Variants in FAM72B observed in about 807,000 individuals in gnomAD.
The protein encoded by FAM72B is RUMY family member 2, also known as protein FAM72B.
A neutral mutation model predicts 12.6 loss-of-function variants in FAM72B; 4 were observed. That is an observed-to-expected ratio of 0.32 (90% CI 0.16 to 0.73). The LOEUF (loss-of-function observed/expected upper bound fraction) is 0.73. Ranked by LOEUF, FAM72B falls within the 30% of genes least tolerant of loss-of-function variation. FAM72B has a pLI of 0.67. For synonymous variants in FAM72B, 13 were observed against 53.9 expected, an observed-to-expected ratio of 0.24 and a Z score of 3.32; for missense variants, 61 against 158.4, an observed-to-expected ratio of 0.39 and a Z score of 3.30.
chr1:121,179,645 C>T (rs199855341), intron 2 of FAM72B, among the ~76,000 whole-genome samples: 5 of 151,696 alleles, frequency 3.3e-5, no homozygotes, highest in East Asian at 3.9e-4. Context: ...CTGGGCAACA[C>T]GGTGAAACCC....
In FAM72B at chr1:121,183,621, G is replaced by C. The variant is rs1654388402; in HGVS notation, c.-132C>G. On this transcript the variant is annotated 5_prime_UTR_variant, in exon 1 of 4. Transcript: ENST00000369390. ...CTTTTCTAAGTCCTAATATTGGGAA[G>C]GAAATTAGTTTTTTTTTTCTGTTTT... 2 of 1,568,660 alleles carry C rather than the reference G, an allele frequency of 1.3e-6. No individual in the cohort carries two copies. Among genetic ancestry groups the C allele is most frequent in the African/African-American group, 2.8e-5 (2 of 72,332 alleles).
rs587690063 is a variant in FAM72B, at chr1:121,168,723, T to C, written c.*18A>G. 3 of 1,509,600 alleles carry C rather than the reference T, an allele frequency of 2.0e-6. No homozygotes were observed. The highest frequency in any genetic ancestry group is 2.5e-4 in the Middle Eastern group (1 of 4,060). The allele number at this position is 1,509,600 out of a possible 1,614,324, so 93.5% of individuals were successfully genotyped here. A position where few individuals can be genotyped will look rare whatever the true frequency, so the allele number is the denominator to read the frequency against. ...TAAATAGAAAAAAGTTTGTATATCA[T>C]ATATATCATAATTCCATTTATCTAA... is the stretch of plus-strand genomic sequence containing the variant. On this transcript the variant is annotated 3_prime_UTR_variant, in exon 4 of 4. Coordinates refer to ENST00000369390, the MANE Select transcript of FAM72B (RefSeq NM_001100910.2).
At chr1:121,180,775 C>T (rs1250878521) in intron 2 of FAM72B, among the ~76,000 whole-genome samples, 9 of 151,276 alleles carry the variant, frequency 5.9e-5, no homozygotes, top group Non-Finnish European at 1.3e-4. Flanking sequence ...AGGAGAATCA[C>T]TTGAGCCCAG....
At position 121,168,148 on chromosome 1, in the gene FAM72B, CAA is replaced by C. The variant is rs1263839751; in HGVS notation, c.*591_*592del. Reference sequence around the variant, plus strand: ...AACAGCGTATACTGATATTTTCTGACAAACTCATTTATCTAACATCATGCTGA... The same window carrying C: ...AACAGCGTATACTGATATTTTCTGACACTCATTTATCTAACATCATGCTGA... On this transcript the variant is annotated 3_prime_UTR_variant, in exon 4 of 4. Coordinates refer to ENST00000369390, the MANE Select transcript of FAM72B (RefSeq NM_001100910.2). 1.4e-5 allele frequency: 1 copy of C among 73,196 alleles called. No homozygotes were observed. Among genetic ancestry groups the C allele is most frequent in the Non-Finnish European group, 2.6e-5 (1 of 38,996 alleles). The allele number at this position is 73,196 out of a possible 1,614,324, so 4.5% of individuals were successfully genotyped here. A position where few individuals can be genotyped will look rare whatever the true frequency, so the allele number is the denominator to read the frequency against.
At chr1:121,168,972 T>C in intron 3 of FAM72B, 137 bp from the exon 4 acceptor site, 1 of 580,540 alleles carries the variant, frequency 1.7e-6, no homozygotes, top group Non-Finnish European at 3.1e-6. Context: ...TTGAAGAATG[T>C]ACTGCAAATA....
chr1:121,170,127 T>C (rs1654062705), intron 3 of FAM72B, among the ~76,000 whole-genome samples: 1 of 151,992 alleles, frequency 6.6e-6, no homozygotes, highest in African/African-American at 2.4e-5. Flanking sequence ...AATGCCACCA[T>C]GCCTGGGTAA....
At chr1:121,174,445 G>A (rs1269779501) in intron 3 of FAM72B, among the ~76,000 whole-genome samples, 4 of 133,108 alleles carry the variant, frequency 3.0e-5, no homozygotes, top group Admixed American at 7.6e-5. Flanking sequence ...TTGGCTCACC[G>A]CAACCTCCGC....
intron 1 of FAM72B, among the ~76,000 whole-genome samples, chr1:121,182,007 C>T (rs28594568): frequency 1.7e-4 from 26 of 152,040 alleles, no homozygotes; most frequent in African/African-American, 4.8e-4. Context: ...ATTCACCTAG[C>T]CTTCCTTATG....
At position 121,183,694 on chromosome 1, in the gene FAM72B, C is replaced by G. The variant is rs1369880471; in HGVS notation, c.-205G>C. On this transcript the variant is annotated 5_prime_UTR_variant, in exon 1 of 4. Transcript: ENST00000369390. ...TATTTATTGAGTAGGAACAGGGGAG[C>G]GTGGCAAACTTGGCTTTCCTTTTAA... 1.5e-5 allele frequency: 8 copies of G among 537,242 alleles called. No homozygotes were observed. Among genetic ancestry groups the G allele is most frequent in the South Asian group, 2.2e-5 (1 of 45,618 alleles). The allele number at this position is 537,242 out of a possible 1,614,324, so 33.3% of individuals were successfully genotyped here.
chr1:121,173,418 G>A (rs1224579283), intron 3 of FAM72B, among the ~76,000 whole-genome samples: 1 of 141,724 alleles, frequency 7.1e-6, no homozygotes, highest in African/African-American at 2.6e-5. Flanking sequence ...ATTAGTATAG[G>A]CATACCTCAA....
chr1:121,181,071 G>A, intron 2 of FAM72B, among the ~76,000 whole-genome samples, 200 bp downstream of exon 2: 2 of 148,748 alleles, frequency 1.3e-5, no homozygotes, highest in Middle Eastern at 6.9e-3. Flanking sequence ...AATACACTTT[G>A]AAAACTGTAA....
rs1229179687 is a variant in FAM72B, at chr1:121,171,922, G to A, written c.356-3087C>T. Among the ~76,000 whole-genome samples the A allele has an allele frequency of 1.7e-4, 22 of 127,092 alleles. 2 individuals are homozygous for A. In the South Asian group the frequency reaches 2.4e-3, roughly 14 times the overall value. 83.4% of individuals were successfully genotyped at this position (127,092 alleles called of 152,430 possible). On this transcript the variant is annotated intron_variant, in intron 3 of 3. Coordinates refer to ENST00000369390, the MANE Select transcript of FAM72B (RefSeq NM_001100910.2). ...CCCTTGACAACCTATCTTGCAATTCGTGATCTTTTGGTCTGTGAAGGCAAA... is the reference window on the plus strand; with the variant it reads ...CCCTTGACAACCTATCTTGCAATTCATGATCTTTTGGTCTGTGAAGGCAAA...
chr1:121,169,634 G>C lies in FAM72B; in HGVS notation c.356-799C>G, dbSNP rs376352722. On this transcript the variant is annotated intron_variant, in intron 3 of 3. Coordinates refer to ENST00000369390, the MANE Select transcript of FAM72B (RefSeq NM_001100910.2). ...TAGCTGGTGCCATTTTTCTGATTCA[G>C]AAAAAAAGCAAGGGTTCGGAGACAG... Among the ~76,000 whole-genome samples the C allele has an allele frequency of 5.3e-5, 8 of 152,052 alleles. No homozygotes were observed. The East Asian group carries it at 1.4e-3, about 26-fold the overall frequency.
intron 2 of FAM72B, among the ~76,000 whole-genome samples, chr1:121,178,727 C>A (rs1310772193): frequency 6.6e-6 from 1 of 152,080 alleles, no homozygotes; most frequent in Non-Finnish European, 1.5e-5. Flanking sequence ...CTTGTTCTCA[C>A]AGAGCTAACA....
At chr1:121,172,754 C>T (rs1188095208) in intron 3 of FAM72B, among the ~76,000 whole-genome samples, 10 of 69,302 alleles carry the variant, frequency 1.4e-4, no homozygotes, top group Non-Finnish European at 2.5e-4. Context: ...CAGAATGACT[C>T]CATCTCAAAA....
intron 3 of FAM72B, among the ~76,000 whole-genome samples, chr1:121,175,198 C>G (rs587744879): frequency 3.4e-4 from 52 of 152,206 alleles, no homozygotes; most frequent in African/African-American, 1.1e-3. Context: ...ACAACAAAGC[C>G]TGGACGACAG....
chr1:121,174,542 T>C (rs1318058655), intron 3 of FAM72B, among the ~76,000 whole-genome samples: 1 of 149,382 alleles, frequency 6.7e-6, no homozygotes, highest in Admixed American at 6.7e-5. Context: ...TAATTTTGTA[T>C]TTTTAGTAGA....
At chr1:121,169,618 C>T (rs1553315905) in intron 3 of FAM72B, among the ~76,000 whole-genome samples, 2 of 152,108 alleles carry the variant, frequency 1.3e-5, no homozygotes, top group Non-Finnish European at 2.9e-5. Context: ...GTAGCTGGTG[C>T]CATTTTTCTG....
chr1:121,168,829 T>A lies in FAM72B; in HGVS notation c.362A>T (p.Asn121Ile), dbSNP rs1553315764. 1 of 1,607,154 alleles carries A rather than the reference T, an allele frequency of 6.2e-7. No individual in the cohort carries two copies. Among genetic ancestry groups the A allele is most frequent in the Non-Finnish European group, 8.5e-7 (1 of 1,178,530 alleles). Residue 121 changes from asparagine to isoleucine, a missense_variant, in exon 4 of 4, where the codon AAC becomes ATC. Physicochemically the swap from Asn to Ile is moderately radical, Grantham distance 149. Coordinates refer to ENST00000369390, the MANE Select transcript of FAM72B (RefSeq NM_001100910.2). ...TGGCAAGTTGCCCCAAAGTAGGATGTTTACACCTGAAAATAAAAAATCATA... is the reference window on the plus strand; with the variant it reads ...TGGCAAGTTGCCCCAAAGTAGGATGATTACACCTGAAAATAAAAAATCATA... The part of the protein sequence containing the change: ...DINRLDSTGV[N>I]ILLWGNLPEI...
Sources: allele counts gnomAD v4.1 joint callset (sites outside exome capture counted in the v4.1 genomes callset), GRCh38; gene constraint gnomAD v4.1.1; transcripts MANE v1.5; gene names NCBI Gene and HGNC (gene_info 2026-07-23, HGNC 2026-07-21).